TUBGCP4: variants seen among roughly 807,000 people sequenced by gnomAD.
TUBGCP4 encodes the protein tubulin gamma complex component 4.
A neutral mutation model predicts 91.6 loss-of-function variants in TUBGCP4; 54 were observed. The ratio of observed to expected loss-of-function variants is 0.59; its 90% CI spans 0.47 to 0.74. The LOEUF is 0.74. TUBGCP4 is among the 30% of genes least tolerant of loss of function. The pLI is 0.00. For synonymous variants in TUBGCP4, 297 were observed against 302.8 expected (o/e 0.98, Z 0.20); for missense variants, 593 against 800.9 (o/e 0.74, Z 3.13).
chr15:43,373,491 A>G (rs1008224518), intron 1 of TUBGCP4, among the ~76,000 whole-genome samples: 3 of 152,212 alleles, frequency 2.0e-5, no homozygotes, highest in African/African-American at 7.2e-5. Context: ...TGCTTTACAC[A>G]TGTATTAACT....
intron 3 of TUBGCP4, 134 bp downstream of exon 3, chr15:43,376,759 C>T (rs150435064): frequency 2.8e-5 from 36 of 1,298,100 alleles, no homozygotes; most frequent in African/African-American, 5.9e-5. Flanking sequence ...GTACAGTGTT[C>T]TCTCAGTGAT....
chr15:43,401,600 G>C, intron 14 of TUBGCP4, 116 bp from the exon 15 acceptor site: 2 of 1,095,634 alleles, frequency 1.8e-6, no homozygotes, highest in South Asian at 2.9e-5. Flanking sequence ...AATGTGACTT[G>C]GTTAGAAGGA....
In TUBGCP4 at chr15:43,397,299, G is replaced by A. The variant is rs771030621; in HGVS notation, c.1257G>A (p.Glu419=). Residue 419 remains glutamate, a synonymous_variant, in exon 12 of 18, where the codon GAG becomes GAA. Coordinates refer to ENST00000564079, the MANE Select transcript of TUBGCP4 (RefSeq NM_014444.5). The part of the protein sequence containing the change: ...NLLPLLHLTI[E]YHGKEHKDAT... ...TCCCTCTGTTGCACTTGACAATCGAGTATCACGGAAAGGAGCACAAAGGTT... is the reference window on the plus strand; with the variant it reads ...TCCCTCTGTTGCACTTGACAATCGAATATCACGGAAAGGAGCACAAAGGTT... The A allele has an allele frequency of 3.7e-6, 6 of 1,614,088 alleles. No individual in the cohort carries two copies. The highest frequency in any genetic ancestry group is 3.3e-5 in the South Asian group (3 of 91,070).
At chr15:43,389,814 C>T (rs976218168) in intron 9 of TUBGCP4, among the ~76,000 whole-genome samples, 1 of 151,918 alleles carries the variant, frequency 6.6e-6, no homozygotes, top group South Asian at 2.1e-4. Context: ...TGGCTGAAGG[C>T]GAATGAGGAG....
intron 9 of TUBGCP4, among the ~76,000 whole-genome samples, chr15:43,393,272 C>T (rs543350364): frequency 4.7e-4 from 70 of 148,186 alleles, no homozygotes; most frequent in African/African-American, 1.1e-3. Context: ...TGCAGTGGCG[C>T]GGTCTCTGCT....
At chr15:43,381,041 A>G (rs952124118) in intron 6 of TUBGCP4, among the ~76,000 whole-genome samples, 2 of 152,100 alleles carry the variant, frequency 1.3e-5, no homozygotes, top group African/African-American at 4.8e-5. Context: ...TCCTAGGCTC[A>G]ACCGATATTC....
chr15:43,404,760 G>A, intron 17 of TUBGCP4: 1 of 599,204 alleles, frequency 1.7e-6, no homozygotes, highest in African/African-American at 1.8e-5. Flanking sequence ...TAAAAAACCT[G>A]ACAGTGAGAT....
intron 9 of TUBGCP4, among the ~76,000 whole-genome samples, chr15:43,388,816 G>A (rs2044422936): frequency 5.9e-5 from 9 of 152,196 alleles, no homozygotes; most frequent in Admixed American, 5.9e-4. Flanking sequence ...ACAGCCTACA[G>A]CAATGAAAAG....
intron 2 of TUBGCP4, 60 bp from the exon 3 acceptor site, chr15:43,376,443 T>G: frequency 6.2e-7 from 1 of 1,613,608 alleles, no homozygotes; most frequent in Non-Finnish European, 8.5e-7. Context: ...AGCCTGATAA[T>G]GTCTTTCTCA....
chr15:43,397,834 C>A (rs929130520), intron 12 of TUBGCP4, among the ~76,000 whole-genome samples: 2 of 152,144 alleles, frequency 1.3e-5, no homozygotes, highest in Non-Finnish European at 2.9e-5. Context: ...CCTCAGCCCC[C>A]CTGAGTAGCT....
At chr15:43,404,381 G>A (rs939377029) in intron 16 of TUBGCP4, 32 bp from the exon 17 acceptor site, 6 of 1,613,066 alleles carry the variant, frequency 3.7e-6, no homozygotes, top group South Asian at 3.3e-5. Context: ...GTGAGCTGAA[G>A]TGGAATGACA....
chr15:43,371,499 G>C, intron 1 of TUBGCP4, 67 bp downstream of exon 1: 1 of 1,535,322 alleles, frequency 6.5e-7, no homozygotes, highest in African/African-American at 1.4e-5. Context: ...AGCGCCTGGG[G>C]GAGTAGGCTG....
Position 43,407,930 on chromosome 15 carries a change from CTCTT to C in TUBGCP4, c.*2719_*2722del, listed in dbSNP as rs1056150239. On this transcript the variant is annotated 3_prime_UTR_variant, in exon 18 of 18. Transcript: ENST00000564079. Reference sequence around the variant, plus strand: ...CCCTGGAACAAAGACACTACACACACTCTTTCAGGTACCTTTGTTATGGGCACTT... The same window carrying C: ...CCCTGGAACAAAGACACTACACACACTCAGGTACCTTTGTTATGGGCACTT... The C allele has an allele frequency of 5.0e-6, 8 of 1,607,954 alleles. No individual in the cohort carries two copies. The highest frequency in any genetic ancestry group is 1.3e-5 in the African/African-American group (1 of 74,884).
Position 43,371,320 on chromosome 15 carries a change from G to C in TUBGCP4, c.-35G>C. The C allele has an allele frequency of 6.2e-7, 1 of 1,605,914 alleles. No individual in the cohort carries two copies. ...GCCTGGAGGTGCGCTGGAGGAGGGG[G>C]TGACATAACCAGGGACTCGAGGTCC... On this transcript the variant is annotated 5_prime_UTR_variant, in exon 1 of 18. Transcript: ENST00000564079.
intron 9 of TUBGCP4, among the ~76,000 whole-genome samples, chr15:43,393,595 G>A (rs892116728): frequency 4.6e-5 from 7 of 151,384 alleles, no homozygotes; most frequent in Admixed American, 2.0e-4. Context: ...ATCCCTCCCC[G>A]GTCCCCCCAC....
chr15:43,373,621 C>T (rs1319869508), intron 1 of TUBGCP4, among the ~76,000 whole-genome samples: 3 of 150,854 alleles, frequency 2.0e-5, no homozygotes, highest in Non-Finnish European at 4.4e-5. Context: ...CAAACCCAGG[C>T]AGTTGGGCTC....
chr15:43,373,944 G>C (rs931903849), intron 1 of TUBGCP4, among the ~76,000 whole-genome samples: 1 of 152,046 alleles, frequency 6.6e-6, no homozygotes, highest in Non-Finnish European at 1.5e-5. Flanking sequence ...GAGCCACTGC[G>C]CCCGGCAAGA....
At chr15:43,397,978 T>A (rs1301538180) in intron 12 of TUBGCP4, 63 bp from the exon 13 acceptor site, 17 of 1,523,530 alleles carry the variant, frequency 1.1e-5, no homozygotes, top group Non-Finnish European at 1.5e-5. Flanking sequence ...ACTTGTTGAG[T>A]CTCTGGTTCT....
At chr15:43,383,632 C>A in intron 7 of TUBGCP4, 128 bp downstream of exon 7, 1 of 715,382 alleles carries the variant, frequency 1.4e-6, no homozygotes, top group Non-Finnish European at 2.1e-6. Flanking sequence ...TCGATGTAAA[C>A]ATTCGGCTTT....
Sources: allele counts gnomAD v4.1 joint callset (sites outside exome capture counted in the v4.1 genomes callset), GRCh38; gene constraint gnomAD v4.1.1; transcripts MANE v1.5; gene names NCBI Gene and HGNC (gene_info 2026-07-23, HGNC 2026-07-21).